Variants in RALB observed in about 807,000 individuals in gnomAD.
RALB encodes the protein RAS like proto-oncogene B, also known as ras-related protein Ral-B.
In RALB, 16 loss-of-function variants were observed where a neutral mutation model predicts 21.3. That is an observed-to-expected ratio of 0.75 (90% CI 0.51 to 1.14). RALB has a LOEUF of 1.14. RALB is among the 50% of genes most tolerant of loss of function. The pLI, the probability that RALB is intolerant of heterozygous loss-of-function variation, is 0.00. For missense variants in RALB, 161 were observed against 256.2 expected (o/e 0.63, Z 2.54); for synonymous variants, 93 against 96.1 (o/e 0.97, Z 0.19).
At chr2:120,253,058 C>A in intron 1 of RALB, 78 bp downstream of exon 1, 1 of 882,540 alleles carries the variant, frequency 1.1e-6, no homozygotes, top group Non-Finnish European at 1.4e-6. Context: ...CGCCCGCAGC[C>A]TCTTGCTCCC....
At chr2:120,248,777 A>G (rs958438251), upstream of RALB, among the ~76,000 whole-genome samples, 3 of 151,888 alleles carry the variant, frequency 2.0e-5, no homozygotes, top group Non-Finnish European at 2.9e-5. Flanking sequence ...GACTCACTCA[A>G]TCTCCTACCT....
chr2:120,268,930 A>G (rs1689574998), intron 1 of RALB, among the ~76,000 whole-genome samples: 1 of 81,694 alleles, frequency 1.2e-5, no homozygotes, highest in Non-Finnish European at 2.7e-5. Context: ...TTATATATAA[A>G]CAAACAATTT....
chr2:120,286,176 T>C lies in RALB; in HGVS notation c.323+94T>C. On this transcript the variant is annotated intron_variant, in intron 3 of 4. Coordinates refer to ENST00000272519, the MANE Select transcript of RALB (RefSeq NM_002881.3). ...ATGAAGAATTTGGGGCTGAGCATAC[T>C]AGGAGAGGGCTGAGCTTGTTCTCAG... 6.0e-6 allele frequency: 6 copies of C among 999,294 alleles called. No homozygotes were observed. In the South Asian group the frequency reaches 8.4e-5, roughly 14 times the overall value. 61.9% of individuals were successfully genotyped at this position (999,294 alleles called of 1,614,324 possible).
At chr2:120,278,985 G>A (rs1689916992) in intron 2 of RALB, among the ~76,000 whole-genome samples, 1 of 152,202 alleles carries the variant, frequency 6.6e-6, no homozygotes, top group Admixed American at 6.5e-5. Context: ...AACTCCGGCG[G>A]GGATGTGAGA....
In RALB at chr2:120,269,419, T is replaced by TTGC. The variant is rs1689599044; in HGVS notation, c.-47-9190_-47-9188dup. 3.9e-5 allele frequency among the ~76,000 whole-genome samples: 6 copies of TTGC among 152,316 alleles called. No individual in the cohort carries two copies. In the South Asian group the frequency reaches 1.2e-3, roughly 32 times the overall value. On this transcript the variant is annotated intron_variant, in intron 1 of 4. Transcript: ENST00000272519. ...CAGCGTGGAAGGTGACCTGAGCAGG[T>TTGC]TGCTGCTGCTGGCTGGGGTGGCCAG... is the stretch of plus-strand genomic sequence containing the variant.
At chr2:120,243,861 T>A (rs1347814239) in intron 1 of RALB, among the ~76,000 whole-genome samples, 2 of 152,158 alleles carry the variant, frequency 1.3e-5, no homozygotes, top group African/African-American at 4.8e-5. Flanking sequence ...CAGTGGATGA[T>A]GCTCTGGGTG....
Position 120,293,413 on chromosome 2 carries a change from T to A in RALB, c.*153T>A, listed in dbSNP as rs1065518. On this transcript the variant is annotated 3_prime_UTR_variant, in exon 5 of 5. Transcript: ENST00000272519. ...AAATGGGGAAAAATATTTGTGACTC[T>A]GTGGCTGGCAGAAGAAATAAGCCCA... The A allele has an allele frequency of 0.68, 515,794 of 753,826 alleles. 179,378 individuals are homozygous for A. The highest frequency in any genetic ancestry group is 0.79 in the African/African-American group (42,901 of 54,204). The allele number at this position is 753,826 out of a possible 1,614,324, so 46.7% of individuals were successfully genotyped here.
At chr2:120,283,190 C>T (rs1438704780) in intron 2 of RALB, among the ~76,000 whole-genome samples, 3 of 152,192 alleles carry the variant, frequency 2.0e-5, no homozygotes, top group Non-Finnish European at 4.4e-5. Context: ...CTGTCTAAAT[C>T]AAGCTTGTCC....
At chr2:120,253,252 C>A in intron 1 of RALB, 2 of 453,684 alleles carry the variant, frequency 4.4e-6, no homozygotes, top group Non-Finnish European at 5.8e-6. Flanking sequence ...AGCCGCGGTT[C>A]CTTCCCTATC....
At chr2:120,263,855 ATTTAT>A (rs1422110646) in intron 1 of RALB, among the ~76,000 whole-genome samples, 2 of 149,888 alleles carry the variant, frequency 1.3e-5, no homozygotes, top group African/African-American at 4.9e-5. Flanking sequence ...TTTATTATTT[ATTTAT>A]TTTTTGATAC....
Position 120,294,378 on chromosome 2 carries a change from C to G in RALB, c.*1118C>G. Reference sequence around the variant, plus strand: ...CTGCTGTTTCTAATATAATTATTTTCTAAGATAGCCAGATAGTTAGAAAAA... The same window carrying G: ...CTGCTGTTTCTAATATAATTATTTTGTAAGATAGCCAGATAGTTAGAAAAA... On this transcript the variant is annotated 3_prime_UTR_variant, in exon 5 of 5. Coordinates refer to ENST00000272519, the MANE Select transcript of RALB (RefSeq NM_002881.3). 1 of 398,388 alleles carries G rather than the reference C, an allele frequency of 2.5e-6. No individual in the cohort carries two copies. The highest frequency in any genetic ancestry group is 4.4e-6 in the Non-Finnish European group (1 of 225,980). 24.7% of individuals were successfully genotyped at this position (398,388 alleles called of 1,614,324 possible).
At chr2:120,289,469 T>C in intron 3 of RALB, 111 bp from the exon 4 acceptor site, 1 of 573,158 alleles carries the variant, frequency 1.7e-6, no homozygotes, top group Admixed American at 3.7e-5. Flanking sequence ...AATCTAGTGA[T>C]TTTTTTTTTT....
rs140579896 is a variant in RALB at position 120,269,302 on chromosome 2, G to A, written c.-47-9316G>A. 2.8e-3 allele frequency among the ~76,000 whole-genome samples: 420 copies of A among 152,256 alleles called. 3 individuals carry two copies. Among genetic ancestry groups the A allele is most frequent in the African/African-American group, 9.5e-3 (393 of 41,546 alleles). ...TTCAAGAATGAAGCCGCAAACCTTC[G>A]CAGTGAGTGTTATAGCTCTCAAAGG... On this transcript the variant is annotated intron_variant, in intron 1 of 4. Transcript: ENST00000272519.
chr2:120,252,725 A>C (rs370269028), upstream of RALB: 325 of 957,588 alleles, frequency 3.4e-4, no homozygotes, highest in African/African-American at 5.3e-3. Flanking sequence ...TTGGAAAATC[A>C]GCCTCGGATT....
upstream of RALB, among the ~76,000 whole-genome samples, chr2:120,248,292 A>G (rs1573316527): frequency 1.3e-5 from 2 of 151,474 alleles, no homozygotes; most frequent in South Asian, 4.2e-4. Flanking sequence ...CTATGAATAC[A>G]CTCCTGCCAG....
intron 1 of RALB, among the ~76,000 whole-genome samples, chr2:120,277,867 A>C (rs1219045348): frequency 3.3e-5 from 3 of 91,740 alleles, no homozygotes; most frequent in Non-Finnish European, 6.6e-5. Flanking sequence ...GCATGTGTGA[A>C]TGTGAGAACA....
chr2:120,252,699 C>T (rs1231871950), upstream of RALB: 20 of 883,348 alleles, frequency 2.3e-5, no homozygotes, highest in Middle Eastern at 5.8e-4. Context: ...AAACCTCCTC[C>T]CCGGCCGCCC....
At chr2:120,277,948 T>C (rs1038559251) in intron 1 of RALB, among the ~76,000 whole-genome samples, 15 of 22,638 alleles carry the variant, frequency 6.6e-4, no homozygotes, top group Admixed American at 7.1e-4. Flanking sequence ...CGAGTGTGAA[T>C]GTGTGAATGT....
At chr2:120,276,739 A>C (rs1409542906) in intron 1 of RALB, among the ~76,000 whole-genome samples, 1 of 152,112 alleles carries the variant, frequency 6.6e-6, no homozygotes, top group Admixed American at 6.5e-5. Context: ...GTTCATTCCT[A>C]CTGGGTGCTG....
Sources: allele counts gnomAD v4.1 joint callset (sites outside exome capture counted in the v4.1 genomes callset), GRCh38; gene constraint gnomAD v4.1.1; transcripts MANE v1.5; gene names NCBI Gene and HGNC (gene_info 2026-07-23, HGNC 2026-07-21).